Variants in MED13L observed in about 807,000 individuals in gnomAD.
MED13L encodes mediator complex subunit 13L.
A neutral mutation model predicts 220.9 loss-of-function variants in MED13L; 7 were observed. The observed-to-expected ratio is 0.03, with a 90% CI of 0.02 to 0.06. The LOEUF is 0.06. Among genes scored for constraint, MED13L ranks in the 10% least tolerant of loss-of-function variants. The pLI is 1.00. For missense variants in MED13L, 1,965 were observed against 2,760.5 expected, an observed-to-expected ratio of 0.71 and a Z score of 6.46; for synonymous variants, 1,011 against 1,015.2, an observed-to-expected ratio of 1.00 and a Z score of 0.08.
intron 1 of MED13L, among the ~76,000 whole-genome samples, chr12:116,238,269 T>C (rs994274484): frequency 6.6e-6 from 1 of 152,236 alleles, no homozygotes. Flanking sequence ...AATTTATTCA[T>C]GTTTTTTAAC....
At chr12:116,097,717 T>C (rs1440932992) in intron 3 of MED13L, among the ~76,000 whole-genome samples, 1 of 152,216 alleles carries the variant, frequency 6.6e-6, no homozygotes, top group Non-Finnish European at 1.5e-5. Flanking sequence ...CACTTGTGTA[T>C]GTCATTTTAA....
At chr12:116,060,913 T>C (rs1312567444) in intron 4 of MED13L, among the ~76,000 whole-genome samples, 1 of 152,176 alleles carries the variant, frequency 6.6e-6, no homozygotes, top group Non-Finnish European at 1.5e-5. Flanking sequence ...TTATGACACA[T>C]ACATGGCATC....
At chr12:116,275,580 G>C (rs1394321342) in intron 1 of MED13L, among the ~76,000 whole-genome samples, 1 of 152,086 alleles carries the variant, frequency 6.6e-6, no homozygotes, top group African/African-American at 2.4e-5. Context: ...TAGCAAAAAG[G>C]CATCTATGCC....
At chr12:116,258,921 T>C (rs1872281694) in intron 1 of MED13L, among the ~76,000 whole-genome samples, 1 of 151,114 alleles carries the variant, frequency 6.6e-6, no homozygotes, top group African/African-American at 2.4e-5. Flanking sequence ...ATTGAGGGTT[T>C]TTTTTTTTTT....
chr12:116,170,736 G>C (rs139442055), intron 2 of MED13L, among the ~76,000 whole-genome samples: 2,906 of 151,876 alleles, frequency 0.019, 54 homozygotes, highest in Middle Eastern at 0.054. Flanking sequence ...GAGTAGCTGG[G>C]ATTACAGGTG....
chr12:116,165,200 GC>G (rs1345817451), intron 2 of MED13L, among the ~76,000 whole-genome samples: 1 of 149,752 alleles, frequency 6.7e-6, no homozygotes, highest in Non-Finnish European at 1.5e-5. Context: ...AAATATCTGG[GC>G]CCCTCTGAGG....
intron 1 of MED13L, among the ~76,000 whole-genome samples, chr12:116,261,024 T>C (rs543317985): frequency 1.3e-5 from 2 of 152,238 alleles, no homozygotes; most frequent in East Asian, 3.9e-4. Flanking sequence ...CCATTTCTTA[T>C]AACTAAACTT....
intron 4 of MED13L, among the ~76,000 whole-genome samples, chr12:116,058,931 T>C (rs1018431970): frequency 2.6e-5 from 4 of 152,210 alleles, no homozygotes; most frequent in African/African-American, 9.6e-5. Context: ...TACAAGTATA[T>C]GTACACTTTA....
chr12:116,269,878 A>G (rs1394534023), intron 1 of MED13L, among the ~76,000 whole-genome samples: 4 of 152,200 alleles, frequency 2.6e-5, no homozygotes, highest in African/African-American at 7.2e-5. Context: ...TGCCAATGAA[A>G]TAACATTTTG....
At chr12:116,272,954 CT>C (rs1873505346) in intron 1 of MED13L, among the ~76,000 whole-genome samples, 1 of 152,194 alleles carries the variant, frequency 6.6e-6, no homozygotes, top group Non-Finnish European at 1.5e-5. Flanking sequence ...CCATGTGCTA[CT>C]AACAACAAAA....
chr12:116,023,231 G>T (rs1880167678), intron 4 of MED13L, among the ~76,000 whole-genome samples: 1 of 152,144 alleles, frequency 6.6e-6, no homozygotes, highest in Non-Finnish European at 1.5e-5. Flanking sequence ...AAGGGTTCGA[G>T]GTTGCAGTGA....
intron 2 of MED13L, among the ~76,000 whole-genome samples, chr12:116,167,422 C>T (rs1879361960): frequency 6.6e-6 from 1 of 152,136 alleles, no homozygotes; most frequent in Non-Finnish European, 1.5e-5. Flanking sequence ...CCAGTAGATA[C>T]TGTGTAACAT....
chr12:116,226,210 T>C (rs1009727917), intron 2 of MED13L, among the ~76,000 whole-genome samples: 6 of 152,078 alleles, frequency 3.9e-5, no homozygotes, highest in African/African-American at 1.4e-4. Flanking sequence ...AGAGAACTAA[T>C]TGTATGATCA....
At chr12:116,034,817 C>A (rs1422592779) in intron 4 of MED13L, among the ~76,000 whole-genome samples, 2 of 152,078 alleles carry the variant, frequency 1.3e-5, no homozygotes, top group African/African-American at 4.8e-5. Flanking sequence ...ACCAGCCTGG[C>A]CAACATGGTG....
At chr12:116,061,295 T>C (rs1016420549) in intron 4 of MED13L, among the ~76,000 whole-genome samples, 9 of 152,202 alleles carry the variant, frequency 5.9e-5, no homozygotes, top group African/African-American at 2.2e-4. Context: ...TGCATTTTTA[T>C]TTTTAAATAT....
intron 2 of MED13L, among the ~76,000 whole-genome samples, chr12:116,164,716 C>T (rs1879125219): frequency 6.6e-6 from 1 of 152,160 alleles, no homozygotes; most frequent in African/African-American, 2.4e-5. Flanking sequence ...TAACTGCTAA[C>T]CGATGTCACA....
chr12:116,253,139 G>A (rs1871706865), intron 1 of MED13L, among the ~76,000 whole-genome samples: 1 of 149,638 alleles, frequency 6.7e-6, no homozygotes, highest in Non-Finnish European at 1.5e-5. Flanking sequence ...GTGCGCACCT[G>A]TAATCCCAGC....
At chr12:116,251,134 TAAAA>T (rs888555177) in intron 1 of MED13L, among the ~76,000 whole-genome samples, 1 of 135,950 alleles carries the variant, frequency 7.4e-6, no homozygotes. Flanking sequence ...AAAGTAGGTT[TAAAA>T]AAAAAAAAGG....
At chr12:116,111,076 T>C (rs975579678) in intron 3 of MED13L, among the ~76,000 whole-genome samples, 1 of 152,188 alleles carries the variant, frequency 6.6e-6, no homozygotes. Flanking sequence ...CTAATTTTTA[T>C]CATGATACTG....
Sources: gnomAD v4.1 joint callset for allele counts (sites outside exome capture counted in the v4.1 genomes callset) on GRCh38, gnomAD v4.1.1 for gene constraint, MANE v1.5 for transcripts, NCBI Gene and HGNC (gene_info 2026-07-23, HGNC 2026-07-21) for gene names.